PLD3: variants seen among roughly 807,000 people sequenced by gnomAD.
The protein encoded by PLD3 is 5'-3' exonuclease PLD3.
PLD3 carries 31 observed loss-of-function variants against 58.4 expected under a neutral mutation model. The observed-to-expected ratio is 0.53, with a 90% CI of 0.40 to 0.72. PLD3 has a LOEUF of 0.72. Among genes scored for constraint, PLD3 ranks in the 30% least tolerant of loss-of-function variants. The pLI, the probability that PLD3 is intolerant of heterozygous loss-of-function variation, is 0.00. For synonymous variants in PLD3, 264 were observed against 273.4 expected, an observed-to-expected ratio of 0.97 and a Z score of 0.34; for missense variants, 595 against 659.8, an observed-to-expected ratio of 0.90 and a Z score of 1.08.
chr19:40,351,238 AAAAAC>A (rs1169258984), intron 1 of PLD3, among the ~76,000 whole-genome samples: 1 of 126,364 alleles, frequency 7.9e-6, no homozygotes. Context: ...CTCAAAACAA[AAAAAC>A]AAAACAAAAC....
intron 9 of PLD3, among the ~76,000 whole-genome samples, chr19:40,372,124 A>G (rs1478178264): frequency 6.6e-6 from 1 of 152,064 alleles, no homozygotes; most frequent in Non-Finnish European, 1.5e-5. Flanking sequence ...ATGCACACCA[A>G]ACCTTTGGTG....
At position 40,366,468 on chromosome 19, in the gene PLD3, C is replaced by T; in HGVS notation, c.-16C>T. ...TTCTCACCTGGGCTCTGCGTATCCC[C>T]CAGCCTTGAGGGAAGATGAAGCCTA... On this transcript the variant is annotated 5_prime_UTR_variant, in exon 3 of 13. Coordinates refer to ENST00000409735, the MANE Select transcript of PLD3 (RefSeq NM_012268.4). The T allele has an allele frequency of 6.2e-7, 1 of 1,613,220 alleles. No individual in the cohort carries two copies. The highest frequency in any genetic ancestry group is 2.2e-5 in the East Asian group (1 of 44,886).
At chr19:40,374,409 T>C in intron 9 of PLD3, 72 bp from the exon 10 acceptor site, 1 of 1,540,476 alleles carries the variant, frequency 6.5e-7, no homozygotes, top group Non-Finnish European at 8.9e-7. Flanking sequence ...TGTGGTGAGC[T>C]GTCCGTATGT....
At chr19:40,366,950 G>A (rs757636041) in intron 5 of PLD3, 35 bp downstream of exon 5, 16 of 1,569,148 alleles carry the variant, frequency 1.0e-5, no homozygotes, top group Non-Finnish European at 1.4e-5. Context: ...TGGGGGAGGG[G>A]CCTGCCAGAC....
intron 1 of PLD3, among the ~76,000 whole-genome samples, chr19:40,353,439 A>G (rs1476369436): frequency 6.6e-6 from 1 of 152,122 alleles, no homozygotes; most frequent in Non-Finnish European, 1.5e-5. Flanking sequence ...CAAAAAACAA[A>G]CAAATTTCCA....
At chr19:40,371,517 CTT>C (rs1568675003) in intron 8 of PLD3, 154 bp from the exon 9 acceptor site, 2 of 595,494 alleles carry the variant, frequency 3.4e-6, no homozygotes, top group East Asian at 5.5e-5. Context: ...TTCATCAAAA[CTT>C]AAGTTGATAA....
chr19:40,368,012 G>A, intron 6 of PLD3, 133 bp downstream of exon 6: 1 of 760,112 alleles, frequency 1.3e-6, no homozygotes, highest in Non-Finnish European at 2.1e-6. Context: ...ATTGGACACA[G>A]GTGTTTGCAA....
intron 1 of PLD3, among the ~76,000 whole-genome samples, chr19:40,364,785 G>A (rs1451740199): frequency 6.7e-6 from 1 of 148,330 alleles, no homozygotes; most frequent in Non-Finnish European, 1.5e-5. Flanking sequence ...GAGACAGAGC[G>A]AGACTGCGTC....
At chr19:40,374,754 C>T (rs573808541) in intron 10 of PLD3, 134 bp downstream of exon 10, 2 of 929,448 alleles carry the variant, frequency 2.2e-6, no homozygotes, top group Non-Finnish European at 3.3e-6. Context: ...GAGAGACAGT[C>T]ACCAGGAGGT....
rs2079288083 is a variant in PLD3, at chr19:40,378,072, A to G, written c.1372A>G (p.Ser458Gly). Residue 458 changes from serine (S) to glycine (G), a missense_variant, in exon 13 of 13, where the codon AGC becomes GGC. Transcript: ENST00000409735. ...GCAGAATGGGAGGGGCGGCCTGCGGAGCCAGCTGGAGGCCATTTTCCTGAG... is the reference window on the plus strand; with the variant it reads ...GCAGAATGGGAGGGGCGGCCTGCGGGGCCAGCTGGAGGCCATTTTCCTGAG... ...VTQNGRGGLRSQLEAIFLRDW... is the reference protein window; with the variant it reads ...VTQNGRGGLRGQLEAIFLRDW... 6.2e-7 allele frequency: 1 copy of G among 1,613,920 alleles called. No homozygotes were observed. The highest frequency in any genetic ancestry group is 1.3e-5 in the African/African-American group (1 of 74,994).
rs1328429640 is a variant in PLD3 at position 40,376,600 on chromosome 19, C to A, written c.1020-9C>A. On this transcript the variant is annotated splice_polypyrimidine_tract_variant and intron_variant, in intron 10 of 12. Transcript: ENST00000409735. ...CATCCTGCCCCACCTCCTATACACC[C>A]GTCCTCAGGTTCTGGCCTGCCATTG... 3 of 1,608,312 alleles carry A rather than the reference C, an allele frequency of 1.9e-6. No homozygotes were observed. Among genetic ancestry groups the A allele is most frequent in the Non-Finnish European group, 2.5e-6 (3 of 1,179,116 alleles).
At chr19:40,371,605 T>C in intron 8 of PLD3, 68 bp from the exon 9 acceptor site, 1 of 1,035,392 alleles carries the variant, frequency 9.7e-7, no homozygotes, top group East Asian at 2.5e-5. Flanking sequence ...GAGACCAGAC[T>C]GGGGAGTGTC....
chr19:40,371,980 C>G (rs1230954285), intron 9 of PLD3, 107 bp downstream of exon 9: 1 of 860,748 alleles, frequency 1.2e-6, no homozygotes, highest in African/African-American at 1.7e-5. Context: ...TCCTGACCAT[C>G]AGTTCTCACC....
At chr19:40,351,511 C>G (rs943315084) in intron 1 of PLD3, among the ~76,000 whole-genome samples, 4 of 152,162 alleles carry the variant, frequency 2.6e-5, no homozygotes, top group Non-Finnish European at 5.9e-5. Context: ...CGCCATTGCA[C>G]TCCAGCCTGG....
chr19:40,367,871 G>A lies in PLD3; in HGVS notation c.421G>A (p.Ala141Thr). ...TGACACCCACACGCAGGAGCCCTCT[G>A]CCCAGCAGGTACCTGCAACCTTGGC... is the stretch of plus-strand genomic sequence containing the variant. ...NNDTHTQEPSAQQGEEVLRQL... is the reference protein window; with the variant it reads ...NNDTHTQEPSTQQGEEVLRQL... Residue 141 changes from alanine (A) to threonine (T), a missense_variant, in exon 6 of 13, where the codon GCC (alanine) becomes ACC (threonine). Physicochemically the swap from Ala to Thr is moderately conservative, Grantham distance 58. Transcript: ENST00000409735. The A allele has an allele frequency of 6.5e-7, 1 of 1,543,800 alleles. No homozygotes were observed. Among genetic ancestry groups the A allele is most frequent in the Non-Finnish European group, 8.7e-7 (1 of 1,146,408 alleles).
chr19:40,373,260 G>A (rs925529775), intron 9 of PLD3, among the ~76,000 whole-genome samples: 1 of 152,232 alleles, frequency 6.6e-6, no homozygotes, highest in South Asian at 2.1e-4. Flanking sequence ...TAGAGCCTCA[G>A]TTTCCTTGTC....
At chr19:40,370,703 A>T (rs977500349) in intron 8 of PLD3, 1 of 154,624 alleles carries the variant, frequency 6.5e-6, no homozygotes, top group Non-Finnish European at 1.4e-5. Context: ...GGAGCCCTCT[A>T]CTGCCCTCCC....
At chr19:40,375,792 C>G (rs918070101) in intron 10 of PLD3, among the ~76,000 whole-genome samples, 1 of 152,148 alleles carries the variant, frequency 6.6e-6, no homozygotes, top group Non-Finnish European at 1.5e-5. Flanking sequence ...GGCATGGTGG[C>G]TCACGCCTGT....
chr19:40,352,682 G>T (rs1449385081), intron 1 of PLD3, among the ~76,000 whole-genome samples: 1 of 152,100 alleles, frequency 6.6e-6, no homozygotes, highest in Non-Finnish European at 1.5e-5. Flanking sequence ...GTGCTTTGAG[G>T]CCAGGCACAG....
Sources: allele counts gnomAD v4.1 joint callset (sites outside exome capture counted in the v4.1 genomes callset), GRCh38; gene constraint gnomAD v4.1.1; transcripts MANE v1.5; gene names NCBI Gene and HGNC (gene_info 2026-07-23, HGNC 2026-07-21).